DPYD: variants seen among roughly 807,000 people sequenced by gnomAD.
DPYD encodes the protein dihydropyrimidine dehydrogenase.
Under a neutral mutation model 116.2 loss-of-function variants are expected in DPYD, and 109 were observed. The ratio of observed to expected loss-of-function variants is 0.94; its 90% CI spans 0.80 to 1.10. The LOEUF (loss-of-function observed/expected upper bound fraction) is 1.10, where lower values mean the gene tolerates loss of function less well. Ranked by LOEUF, DPYD falls within the 50% of genes least tolerant of loss-of-function variation. DPYD has a pLI of 0.00. For synonymous variants in DPYD, 440 were observed against 432.0 expected (o/e 1.02, Z -0.23); for missense variants, 1,302 against 1,254.5 (o/e 1.04, Z -0.57).
At chr1:97,441,780 T>A (rs1675811855) in intron 14 of DPYD, among the ~76,000 whole-genome samples, 1 of 152,188 alleles carries the variant, frequency 6.6e-6, no homozygotes, top group African/African-American at 2.4e-5. Flanking sequence ...GTGCTAGGTA[T>A]TTTTGTATTC....
chr1:97,139,112 T>C (rs560622982), intron 20 of DPYD, among the ~76,000 whole-genome samples: 1 of 152,294 alleles, frequency 6.6e-6, no homozygotes, highest in Admixed American at 6.5e-5. Flanking sequence ...GTAAATCTTA[T>C]CCAAAATGTA....
intron 8 of DPYD, among the ~76,000 whole-genome samples, chr1:97,648,521 A>G (rs1219042845): frequency 2.6e-5 from 4 of 151,986 alleles, no homozygotes; most frequent in African/African-American, 9.7e-5. Flanking sequence ...GTTTAGAAAT[A>G]GTTACTAAAA....
chr1:97,656,189 T>C (rs1295330396), intron 8 of DPYD, among the ~76,000 whole-genome samples: 1 of 152,178 alleles, frequency 6.6e-6, no homozygotes, highest in Non-Finnish European at 1.5e-5. Context: ...TACGGAGCAG[T>C]TGTTCTGGCA....
At chr1:97,677,732 C>T (rs764098709) in intron 8 of DPYD, among the ~76,000 whole-genome samples, 2 of 152,062 alleles carry the variant, frequency 1.3e-5, no homozygotes, top group Non-Finnish European at 2.9e-5. Context: ...AGCTAGAAGA[C>T]AGTGTAAATT....
chr1:97,590,113 C>A (rs914599541), intron 10 of DPYD, among the ~76,000 whole-genome samples: 2 of 152,182 alleles, frequency 1.3e-5, no homozygotes, highest in Non-Finnish European at 2.9e-5. Context: ...TTTGGCTCCT[C>A]TTTTGATGTA....
intron 18 of DPYD, among the ~76,000 whole-genome samples, chr1:97,257,842 C>T (rs1317475361): frequency 6.6e-6 from 1 of 151,892 alleles, no homozygotes; most frequent in Non-Finnish European, 1.5e-5. Flanking sequence ...TACACTCTAG[C>T]TAAATGAATA....
At chr1:97,193,316 C>A (rs1658517502) in intron 19 of DPYD, 68 bp from the exon 20 acceptor site, 8 of 1,481,318 alleles carry the variant, frequency 5.4e-6, no homozygotes, top group Non-Finnish European at 7.4e-6. Context: ...ATTCACTTTT[C>A]TTTGAGTCAA....
intron 2 of DPYD, among the ~76,000 whole-genome samples, chr1:97,844,630 T>C (rs1246235317): frequency 6.6e-6 from 1 of 152,134 alleles, no homozygotes; most frequent in Non-Finnish European, 1.5e-5. Flanking sequence ...TGGGGAGGTA[T>C]GGCTGGAGGA....
intron 4 of DPYD, 45 bp downstream of exon 4, chr1:97,740,347 A>T (rs199684324): frequency 6.7e-7 from 1 of 1,500,572 alleles, no homozygotes; most frequent in East Asian, 2.3e-5. Flanking sequence ...AGAGAACAAG[A>T]TCAAATACTG....
intron 16 of DPYD, among the ~76,000 whole-genome samples, chr1:97,361,832 C>T (rs1670742218): frequency 6.6e-6 from 1 of 152,250 alleles, no homozygotes; most frequent in East Asian, 1.9e-4. Context: ...TTATGACAAA[C>T]CCACAGCCAA....
chr1:97,331,490 C>T (rs948835487), intron 16 of DPYD, among the ~76,000 whole-genome samples: 4 of 151,988 alleles, frequency 2.6e-5, no homozygotes, highest in Middle Eastern at 3.4e-3. Context: ...AAACAAACAA[C>T]CCCCCTGCCA....
At chr1:97,868,493 C>T (rs977296388) in intron 2 of DPYD, among the ~76,000 whole-genome samples, 3 of 151,746 alleles carry the variant, frequency 2.0e-5, no homozygotes, top group Admixed American at 1.3e-4. Flanking sequence ...TTAGGTAAAA[C>T]TAAAATATTA....
At chr1:97,422,229 C>T (rs1285983663) in intron 14 of DPYD, among the ~76,000 whole-genome samples, 2 of 151,932 alleles carry the variant, frequency 1.3e-5, no homozygotes, top group South Asian at 2.1e-4. Flanking sequence ...GAATTATTTA[C>T]GTTTTAGAAA....
At chr1:97,266,502 T>C (rs527865441) in intron 18 of DPYD, among the ~76,000 whole-genome samples, 3 of 152,274 alleles carry the variant, frequency 2.0e-5, no homozygotes, top group African/African-American at 4.8e-5. Flanking sequence ...ATAGACTGGG[T>C]AATTTGTAAT....
At chr1:97,385,515 A>T (rs999711797) in intron 14 of DPYD, among the ~76,000 whole-genome samples, 4 of 142,934 alleles carry the variant, frequency 2.8e-5, no homozygotes, top group Admixed American at 6.9e-5. Context: ...TTTTTAGAAA[A>T]TTTTTTTCTT....
At chr1:97,608,257 T>C (rs1477673600) in intron 8 of DPYD, among the ~76,000 whole-genome samples, 1 of 152,018 alleles carries the variant, frequency 6.6e-6, no homozygotes. Flanking sequence ...GAGTAAATAA[T>C]ATAAAAGGGA....
At chr1:97,218,759 T>A (rs1263113988) in intron 19 of DPYD, among the ~76,000 whole-genome samples, 1 of 152,038 alleles carries the variant, frequency 6.6e-6, no homozygotes, top group Non-Finnish European at 1.5e-5. Flanking sequence ...TCAAAAGTGA[T>A]GAGTGGGCTT....
intron 4 of DPYD, among the ~76,000 whole-genome samples, chr1:97,732,923 A>T (rs1386641303): frequency 2.0e-4 from 31 of 152,154 alleles, no homozygotes; most frequent in African/African-American, 7.5e-4. Context: ...ACGCAGAAAA[A>T]AGCTAGGATA....
At chr1:97,854,208 A>G (rs1210339672) in intron 2 of DPYD, among the ~76,000 whole-genome samples, 1 of 152,226 alleles carries the variant, frequency 6.6e-6, no homozygotes, top group Non-Finnish European at 1.5e-5. Context: ...GATGTGCAAG[A>G]TTCTCTGATA....
Sources: allele counts gnomAD v4.1 joint callset (sites outside exome capture counted in the v4.1 genomes callset), GRCh38; gene constraint gnomAD v4.1.1; transcripts MANE v1.5; gene names NCBI Gene and HGNC (gene_info 2026-07-23, HGNC 2026-07-21).